ADAMTS12: variants seen among roughly 807,000 people sequenced by gnomAD.
The protein encoded by ADAMTS12 is ADAM metallopeptidase with thrombospondin type 1 motif 12, also known as A disintegrin and metalloproteinase with thrombospondin motifs 12.
Under a neutral mutation model 167.8 loss-of-function variants are expected in ADAMTS12, and 118 were observed. The observed-to-expected ratio is 0.70, with a 90% confidence interval of 0.61 to 0.82. ADAMTS12 has a LOEUF of 0.82. Among genes scored for constraint, ADAMTS12 ranks in the 40% least tolerant of loss-of-function variants. The pLI, the probability that ADAMTS12 is intolerant of heterozygous loss-of-function variation, is 0.00. For missense variants in ADAMTS12, 1,916 were observed against 1,998.8 expected, an observed-to-expected ratio of 0.96 and a Z score of 0.79; for synonymous variants, 704 against 716.9, an observed-to-expected ratio of 0.98 and a Z score of 0.29.
chr5:33,557,569 GGAGT>G (rs1431512770), intron 20 of ADAMTS12, among the ~76,000 whole-genome samples: 1 of 152,114 alleles, frequency 6.6e-6, no homozygotes, highest in East Asian at 1.9e-4. Flanking sequence ...GGTTGAGGCT[GGAGT>G]GAGCTGTGAG....
intron 19 of ADAMTS12, among the ~76,000 whole-genome samples, chr5:33,562,060 A>G (rs1283082026): frequency 6.6e-6 from 1 of 152,212 alleles, no homozygotes; most frequent in African/African-American, 2.4e-5. Flanking sequence ...TATTTGTTAC[A>G]GTAGTGCTCC....
At chr5:33,595,128 CCTTCTT>C (rs1194906885) in intron 17 of ADAMTS12, among the ~76,000 whole-genome samples, 1 of 152,010 alleles carries the variant, frequency 6.6e-6, no homozygotes, top group Admixed American at 6.5e-5. Flanking sequence ...TTCTTCTTCT[CCTTCTT>C]CCTCCTTTAT....
At position 33,852,799 on chromosome 5, in the gene ADAMTS12, G is replaced by A. The variant is rs1749265606; in HGVS notation, c.489+28320C>T. Among the ~76,000 whole-genome samples the A allele has an allele frequency of 2.0e-5, 3 of 152,160 alleles. No homozygotes were observed. In the South Asian group the frequency reaches 6.2e-4, roughly 32 times the overall value. ...GTCATTTGTATGTGTTTGTTGAAAGGAAGATTTTCAGTATTTGATTATTTG... is the reference window on the plus strand; with the variant it reads ...GTCATTTGTATGTGTTTGTTGAAAGAAAGATTTTCAGTATTTGATTATTTG... On this transcript the variant is annotated intron_variant, in intron 2 of 23. Coordinates refer to ENST00000504830, the MANE Select transcript of ADAMTS12 (RefSeq NM_030955.4).
chr5:33,611,020 G>A (rs1027763112), intron 16 of ADAMTS12, among the ~76,000 whole-genome samples: 3 of 152,066 alleles, frequency 2.0e-5, no homozygotes, highest in African/African-American at 7.2e-5. Context: ...AGCCAAGATC[G>A]TGCCATCCCA....
chr5:33,769,617 A>G (rs1405439524), intron 2 of ADAMTS12, among the ~76,000 whole-genome samples: 3 of 152,230 alleles, frequency 2.0e-5, no homozygotes, highest in Admixed American at 6.5e-5. Flanking sequence ...ACTACTTGGA[A>G]GAAAATGCCA....
chr5:33,709,342 C>A (rs551129354), intron 3 of ADAMTS12, among the ~76,000 whole-genome samples: 1 of 152,196 alleles, frequency 6.6e-6, no homozygotes. Flanking sequence ...ACTGAGCAAT[C>A]TCATTACTGG....
At chr5:33,578,142 G>C (rs1041230712) in intron 18 of ADAMTS12, among the ~76,000 whole-genome samples, 1 of 152,170 alleles carries the variant, frequency 6.6e-6, no homozygotes, top group Non-Finnish European at 1.5e-5. Context: ...CTTGAGCACA[G>C]ACCACCCAGG....
At chr5:33,620,273 C>T (rs1251896447) in intron 14 of ADAMTS12, among the ~76,000 whole-genome samples, 1 of 152,208 alleles carries the variant, frequency 6.6e-6, no homozygotes, top group Non-Finnish European at 1.5e-5. Flanking sequence ...CTTTTCTCTG[C>T]TTCTTGGGAG....
intron 2 of ADAMTS12, among the ~76,000 whole-genome samples, chr5:33,792,480 T>A (rs1746616230): frequency 6.6e-6 from 1 of 152,230 alleles, no homozygotes; most frequent in African/African-American, 2.4e-5. Context: ...GACCTCGTGA[T>A]AATATCTCTA....
rs74639383 is a variant in ADAMTS12, at chr5:33,693,163, C to T, written c.635-9108G>A. Among the ~76,000 whole-genome samples, 30 of 152,256 alleles carry T rather than the reference C, an allele frequency of 2.0e-4. No individual in the cohort carries two copies. In the East Asian group the frequency reaches 5.6e-3, roughly 28 times the overall value. ...TCATTTCATGAACTTAACTGCAGGG[C>T]ATAAATACATTTATGTTCTTCCCAT... On this transcript the variant is annotated intron_variant, in intron 3 of 23. Transcript: ENST00000504830.
At chr5:33,662,077 C>T (rs1228626106) in intron 5 of ADAMTS12, 37 bp from the exon 6 acceptor site, 2 of 1,599,156 alleles carry the variant, frequency 1.3e-6, no homozygotes, top group Middle Eastern at 1.7e-4. Flanking sequence ...CATGGGAGAG[C>T]TCACTGTGGT....
chr5:33,710,892 T>G (rs1743379930), intron 3 of ADAMTS12, among the ~76,000 whole-genome samples: 1 of 152,032 alleles, frequency 6.6e-6, no homozygotes, highest in African/African-American at 2.4e-5. Flanking sequence ...TACTAAAAAT[T>G]TTCAGAAAGA....
At chr5:33,800,129 C>A (rs1002709638) in intron 2 of ADAMTS12, among the ~76,000 whole-genome samples, 1 of 152,180 alleles carries the variant, frequency 6.6e-6, no homozygotes, top group Non-Finnish European at 1.5e-5. Flanking sequence ...TTCTAACTTT[C>A]ACTCATTCAG....
chr5:33,761,215 C>T (rs939714844), intron 2 of ADAMTS12, among the ~76,000 whole-genome samples: 7 of 152,210 alleles, frequency 4.6e-5, no homozygotes, highest in African/African-American at 1.7e-4. Flanking sequence ...GACATAAAGC[C>T]TTTCCGAGGC....
intron 13 of ADAMTS12, among the ~76,000 whole-genome samples, 171 bp from the exon 14 acceptor site, chr5:33,624,522 C>T (rs1031967380): frequency 1.3e-5 from 2 of 152,226 alleles, no homozygotes; most frequent in Admixed American, 1.3e-4. Flanking sequence ...CAAGCATCCA[C>T]CAATGGTAAA....
intron 20 of ADAMTS12, among the ~76,000 whole-genome samples, chr5:33,556,755 G>A (rs985248434): frequency 3.9e-5 from 6 of 152,152 alleles, no homozygotes; most frequent in Non-Finnish European, 7.4e-5. Flanking sequence ...GACACAGCTC[G>A]GCTCACTCAT....
At chr5:33,695,113 A>C (rs1742706561) in intron 3 of ADAMTS12, among the ~76,000 whole-genome samples, 1 of 152,222 alleles carries the variant, frequency 6.6e-6, no homozygotes, top group Non-Finnish European at 1.5e-5. Context: ...AGTATGTATT[A>C]TTCTGTTTTC....
At position 33,693,277 on chromosome 5, in the gene ADAMTS12, A is replaced by G. The variant is rs1023990869; in HGVS notation, c.635-9222T>C. ...AAAATTCTCTATAATTAGAGAATATATCATAGAGACCTTGAGAAACCATCT... is the reference window on the plus strand; with the variant it reads ...AAAATTCTCTATAATTAGAGAATATGTCATAGAGACCTTGAGAAACCATCT... On this transcript the variant is annotated intron_variant, in intron 3 of 23. Coordinates refer to ENST00000504830, the MANE Select transcript of ADAMTS12 (RefSeq NM_030955.4). 4.6e-5 allele frequency among the ~76,000 whole-genome samples: 7 copies of G among 152,246 alleles called. No individual in the cohort carries two copies. The East Asian group carries it at 5.8e-4, about 13-fold the overall frequency.
intron 20 of ADAMTS12, among the ~76,000 whole-genome samples, chr5:33,557,629 C>CA (rs927151267): frequency 1.3e-4 from 19 of 150,420 alleles, no homozygotes; most frequent in South Asian, 2.1e-4. Context: ...GACCCCATCT[C>CA]AAAAAAAAAT....
Sources: gnomAD v4.1 joint callset for allele counts (sites outside exome capture counted in the v4.1 genomes callset) on GRCh38, gnomAD v4.1.1 for gene constraint, MANE v1.5 for transcripts, NCBI Gene and HGNC (gene_info 2026-07-23, HGNC 2026-07-21) for gene names.